SCFD2: variants seen among roughly 807,000 people sequenced by gnomAD.
SCFD2 encodes sec1 family domain-containing protein 2.
SCFD2 carries 54 observed loss-of-function variants against 58.9 expected under a neutral mutation model. The observed-to-expected ratio is 0.92, with a 90% CI of 0.74 to 1.15. The LOEUF is 1.15. SCFD2 is among the 50% of genes most tolerant of loss of function. The pLI is 0.00. For synonymous variants in SCFD2, 321 were observed against 335.9 expected (o/e 0.96, Z 0.49); for missense variants, 805 against 836.6 (o/e 0.96, Z 0.47).
At chr4:52,969,781 T>C (rs1439014563) in intron 5 of SCFD2, among the ~76,000 whole-genome samples, 7 of 152,142 alleles carry the variant, frequency 4.6e-5, no homozygotes, top group Non-Finnish European at 1.0e-4. Context: ...TTGAGTTGTG[T>C]TTAGCCCCTG....
At chr4:52,885,694 C>A (rs773847898) in intron 8 of SCFD2, 53 bp downstream of exon 8, 55 of 1,606,836 alleles carry the variant, frequency 3.4e-5, no homozygotes, top group Non-Finnish European at 4.6e-5. Flanking sequence ...CCCTCACCCA[C>A]CCTTCACACC....
chr4:52,888,902 G>C (rs1718816407), intron 7 of SCFD2, among the ~76,000 whole-genome samples: 1 of 152,136 alleles, frequency 6.6e-6, no homozygotes, highest in South Asian at 2.1e-4. Flanking sequence ...TCACCACCCA[G>C]CTCCTGCAGA....
chr4:53,010,604 G>A (rs1722072892), intron 5 of SCFD2, among the ~76,000 whole-genome samples: 1 of 152,116 alleles, frequency 6.6e-6, no homozygotes, highest in Non-Finnish European at 1.5e-5. Flanking sequence ...GCACAGTTCT[G>A]GGCTCACAGT....
At chr4:52,972,561 A>G (rs1043358292) in intron 5 of SCFD2, among the ~76,000 whole-genome samples, 2 of 152,190 alleles carry the variant, frequency 1.3e-5, no homozygotes, top group African/African-American at 2.4e-5. Context: ...CCCACACAAT[A>G]ATAGTGGGAG....
At chr4:53,255,864 G>A (rs568740499) in intron 4 of SCFD2, among the ~76,000 whole-genome samples, 39 of 145,240 alleles carry the variant, frequency 2.7e-4, no homozygotes, top group African/African-American at 8.1e-4. Flanking sequence ...CCTCCATCCC[G>A]GACGGGGCGG....
chr4:53,205,522 C>T (rs1329302088), intron 4 of SCFD2, among the ~76,000 whole-genome samples: 1 of 152,060 alleles, frequency 6.6e-6, no homozygotes, highest in Non-Finnish European at 1.5e-5. Context: ...CAACAAACCA[C>T]AAAACTGCTT....
intron 6 of SCFD2, among the ~76,000 whole-genome samples, chr4:52,913,918 TCTAA>T (rs1719544987): frequency 6.6e-6 from 1 of 151,870 alleles, no homozygotes; most frequent in South Asian, 2.1e-4. Flanking sequence ...GAAAAAGGAG[TCTAA>T]CTGTTTGCTA....
chr4:52,919,366 T>C (rs984516517), intron 6 of SCFD2, among the ~76,000 whole-genome samples: 2 of 152,240 alleles, frequency 1.3e-5, no homozygotes, highest in Non-Finnish European at 2.9e-5. Flanking sequence ...TATTTAAGAT[T>C]GCTGATTTTT....
At chr4:53,192,330 T>C (rs1402115154) in intron 4 of SCFD2, among the ~76,000 whole-genome samples, 1 of 152,206 alleles carries the variant, frequency 6.6e-6, no homozygotes, top group Non-Finnish European at 1.5e-5. Context: ...TTTGTAAGCA[T>C]GAACCCTTAA....
intron 5 of SCFD2, among the ~76,000 whole-genome samples, chr4:53,111,595 C>T (rs373657018): frequency 7.9e-5 from 12 of 152,052 alleles, no homozygotes; most frequent in African/African-American, 1.9e-4. Flanking sequence ...AGTCTCTGGA[C>T]GTATAATTGA....
Position 53,189,586 on chromosome 4 carries a change from G to T in SCFD2, c.1312-44004C>A, listed in dbSNP as rs71597823. On this transcript the variant is annotated intron_variant, in intron 4 of 8. Coordinates refer to ENST00000401642, the MANE Select transcript of SCFD2 (RefSeq NM_152540.4). ...AATTCTCTAATTTCTTCTTATAAGGGTACTAATCCCATTATAAGGACCCCA... is the reference window on the plus strand; with the variant it reads ...AATTCTCTAATTTCTTCTTATAAGGTTACTAATCCCATTATAAGGACCCCA... Among the ~76,000 whole-genome samples, 405 of 152,192 alleles carry T rather than the reference G, an allele frequency of 2.7e-3. 1 individual carries two copies. Among genetic ancestry groups the T allele is most frequent in the Non-Finnish European group, 3.3e-3 (223 of 68,014 alleles).
At chr4:53,162,113 GAATGTACACAT>G (rs1726870534) in intron 4 of SCFD2, among the ~76,000 whole-genome samples, 1 of 151,950 alleles carries the variant, frequency 6.6e-6, no homozygotes, top group Non-Finnish European at 1.5e-5. Context: ...ATATTTCACA[GAATGTACACAT>G]TATCTAAAAA....
intron 4 of SCFD2, among the ~76,000 whole-genome samples, chr4:53,161,691 C>T (rs1384078207): frequency 6.6e-6 from 1 of 152,130 alleles, no homozygotes; most frequent in Non-Finnish European, 1.5e-5. Flanking sequence ...TTGCATGAAA[C>T]AAGGGACAAG....
At chr4:53,328,893 A>G (rs1277094970) in intron 2 of SCFD2, among the ~76,000 whole-genome samples, 8 of 152,244 alleles carry the variant, frequency 5.3e-5, no homozygotes, top group Non-Finnish European at 1.0e-4. Context: ...TGCGCGCACC[A>G]TGCGCGAGCC....
At chr4:52,942,448 A>G (rs1720317317) in intron 5 of SCFD2, among the ~76,000 whole-genome samples, 1 of 152,158 alleles carries the variant, frequency 6.6e-6, no homozygotes, top group African/African-American at 2.4e-5. Context: ...GAGAGGTAGA[A>G]TCATGTGGCT....
In SCFD2 at chr4:53,253,714, G is replaced by A. The variant is rs181315025; in HGVS notation, c.1311+20112C>T. On this transcript the variant is annotated intron_variant, in intron 4 of 8. Transcript: ENST00000401642. ...TGAGAACACATGGACACCAGAAGGG[G>A]AACATCACATGCTGGGGACTGTCGT... 8.6e-3 allele frequency among the ~76,000 whole-genome samples: 1,099 copies of A among 128,196 alleles called. 18 individuals are homozygous for A. The highest frequency in any genetic ancestry group is 0.031 in the African/African-American group (1,025 of 33,272). The allele number at this position is 128,196 out of a possible 152,430, so 84.1% of individuals were successfully genotyped here.
At position 53,254,436 on chromosome 4, in the gene SCFD2, CT is replaced by C. The variant is rs1358072394; in HGVS notation, c.1311+19389del. Among the ~76,000 whole-genome samples, 4 of 152,160 alleles carry C rather than the reference CT, an allele frequency of 2.6e-5. No individual in the cohort carries two copies. In the South Asian group the frequency reaches 8.3e-4, roughly 32 times the overall value. ...GCCATGATTTTAAGTTGCCTGAGGC[CT>C]CCCCAGCAATGTGGAACTGTGAGTC... On this transcript the variant is annotated intron_variant, in intron 4 of 8. Transcript: ENST00000401642.
chr4:53,298,128 G>A (rs1732113633), intron 3 of SCFD2, among the ~76,000 whole-genome samples: 1 of 152,134 alleles, frequency 6.6e-6, no homozygotes, highest in South Asian at 2.1e-4. Flanking sequence ...CACCATGCGT[G>A]AGCCGAAGCA....
chr4:52,896,899 C>G (rs1037323205), intron 7 of SCFD2, among the ~76,000 whole-genome samples: 12 of 152,016 alleles, frequency 7.9e-5, no homozygotes, highest in African/African-American at 2.7e-4. Context: ...TTGGATTCCT[C>G]GTATTTTATT....
Sources: allele counts gnomAD v4.1 joint callset (sites outside exome capture counted in the v4.1 genomes callset), GRCh38; gene constraint gnomAD v4.1.1; transcripts MANE v1.5; gene names NCBI Gene and HGNC (gene_info 2026-07-23, HGNC 2026-07-21).